HMCN2: variants seen among roughly 807,000 people sequenced by gnomAD.
HMCN2 encodes the protein hemicentin 2, also known as hemicentin-2.
HMCN2 carries 325 observed loss-of-function variants against 377.5 expected under a neutral mutation model. The observed-to-expected ratio is 0.86, with a 90% confidence interval of 0.79 to 0.94. The LOEUF is 0.94. Among genes scored for constraint, HMCN2 ranks in the 40% least tolerant of loss-of-function variants. The pLI, the probability that HMCN2 is intolerant of heterozygous loss-of-function variation, is 0.00. For synonymous variants in HMCN2, 2,007 were observed against 2,046.8 expected, an observed-to-expected ratio of 0.98 and a Z score of 0.53; for missense variants, 4,543 against 4,725.3, an observed-to-expected ratio of 0.96 and a Z score of 1.13.
intron 80 of HMCN2, 146 bp from the exon 81 acceptor site, chr9:130,404,723 C>A (rs540653579): frequency 6.9e-6 from 3 of 434,720 alleles, no homozygotes; most frequent in Non-Finnish European, 1.1e-5. Flanking sequence ...ATCCTGAGCA[C>A]GGGCAATGGC....
intron 21 of HMCN2, among the ~76,000 whole-genome samples, chr9:130,326,583 TAA>T (rs1332621086): frequency 5.5e-5 from 8 of 145,168 alleles, no homozygotes; most frequent in Non-Finnish European, 7.6e-5. Flanking sequence ...TTTTATATTG[TAA>T]AAAAAAAAAA....
At position 130,429,637 on chromosome 9, in the gene HMCN2, A is replaced by T. The variant is rs955274539; in HGVS notation, c.14278A>T (p.Ser4760Cys). 6.5e-7 allele frequency: 1 copy of T among 1,548,888 alleles called. No homozygotes were observed. Among genetic ancestry groups the T allele is most frequent in the South Asian group, 1.2e-5 (1 of 83,806 alleles). ...CENTPGGHRC[S>C]CPRGYRMQGP... is the part of the protein sequence containing the mutation. ...GAACACCCCAGGCGGTCACCGCTGC[A>T]GCTGCCCCAGGGGTTACCGGATGCA... The change falls in exon 94 of 98, where the codon AGC becomes TGC. Residue 4760 changes from serine (S) to cysteine (C), a missense_variant. Around this residue, in one of 5 missense-constraint regions of HMCN2, gnomAD observed 1,155 missense variants for 1,157.7 expected, o/e 1.00. Coordinates refer to ENST00000683500, the MANE Select transcript of HMCN2 (RefSeq NM_001291815.2).
In HMCN2 at chr9:130,309,980, G is replaced by C. The variant is rs561746942; in HGVS notation, c.2269G>C (p.Glu757Gln). The C allele has an allele frequency of 3.8e-6, 2 of 533,090 alleles. No homozygotes were observed. Among genetic ancestry groups the C allele is most frequent in the African/African-American group, 3.8e-5 (2 of 52,076 alleles). The allele number at this position is 533,090 out of a possible 1,614,324, so 33.0% of individuals were successfully genotyped here. The change falls in exon 15 of 98, where the codon GAG becomes CAG. Residue 757 changes from glutamate to glutamine, a missense_variant. Physicochemically the swap from Glu to Gln is conservative, Grantham distance 29. Transcript: ENST00000683500. ...SGKLRIPAAQ[E>Q]RDAGTYTCRA... ...GAAGCTGCGGATCCCGGCGGCTCAGGAGAGGGATGCTGGCACCTACACCTG... is the reference window on the plus strand; with the variant it reads ...GAAGCTGCGGATCCCGGCGGCTCAGCAGAGGGATGCTGGCACCTACACCTG...
chr9:130,315,600 G>C (rs1428060350), intron 15 of HMCN2, among the ~76,000 whole-genome samples: 2 of 151,114 alleles, frequency 1.3e-5, no homozygotes, highest in Non-Finnish European at 2.9e-5. Context: ...CCTGGACTCT[G>C]CCCTGCCATC....
intron 95 of HMCN2, 161 bp downstream of exon 95, chr9:130,430,765 C>T (rs570871891): frequency 1.8e-5 from 12 of 663,232 alleles, no homozygotes; most frequent in Non-Finnish European, 2.8e-5. Context: ...TGCAGGGTGT[C>T]TCAGAGCCTT....
intron 49 of HMCN2, among the ~76,000 whole-genome samples, chr9:130,374,907 C>G (rs1841290964): frequency 6.6e-6 from 1 of 152,194 alleles, no homozygotes; most frequent in Non-Finnish European, 1.5e-5. Context: ...CACAATGACA[C>G]TAGGAGGTGG....
Position 130,384,766 on chromosome 9 carries a change from G to A in HMCN2, c.9074G>A (p.Arg3025Gln), listed in dbSNP as rs1350302276. 3 of 1,303,416 alleles carry A rather than the reference G, an allele frequency of 2.3e-6. No homozygotes were observed. Among genetic ancestry groups the A allele is most frequent in the African/African-American group, 1.5e-5 (1 of 65,976 alleles). 80.7% of individuals were successfully genotyped at this position (1,303,416 alleles called of 1,614,324 possible). ...YTCEALNAAG[R>Q]DQKLVQLSVL... ...TGCGAAGCCCTCAATGCTGCCGGCC[G>A]AGACCAGAAGCTGGTGCAGCTCAGT... is the stretch of plus-strand genomic sequence containing the variant. Residue 3025 changes from arginine to glutamine, a missense_variant, in exon 59 of 98, where the codon CGA becomes CAA. Coordinates refer to ENST00000683500, the MANE Select transcript of HMCN2 (RefSeq NM_001291815.2).
Position 130,369,003 on chromosome 9 carries a change from G to A in HMCN2, c.6787+566G>A, listed in dbSNP as rs572190234. Among the ~76,000 whole-genome samples, 2 of 152,264 alleles carry A rather than the reference G, an allele frequency of 1.3e-5. No individual in the cohort carries two copies. The highest frequency in any genetic ancestry group is 4.8e-5 in the African/African-American group (2 of 41,538). On this transcript the variant is annotated intron_variant, in intron 44 of 97. Coordinates refer to ENST00000683500, the MANE Select transcript of HMCN2 (RefSeq NM_001291815.2). The surrounding 1 kb of genome is among the most constrained non-coding windows in gnomAD (Gnocchi z 4.5). ...CTTCTCACTAACCCAAGCATTGGGG[G>A]TGGGGGCAGCAGCACAGTCCCTAAG...
Position 130,433,487 on chromosome 9 carries a change from C to T in HMCN2, c.15034C>T (p.Pro5012Ser), listed in dbSNP as rs565814297. ...RLTAFSEVGV[P>S]ANRTELSMLE... ...CACCGCCTTCTCCGAGGTCGGCGTC[C>T]CCGCCAACCGCACCGAGCTCAGCAT... Residue 5012 changes from proline (P) to serine (S), a missense_variant, in exon 98 of 98, where the codon CCC (proline) becomes TCC (serine). This residue lies in a region of HMCN2 where 1,155 missense variants were observed against 1,157.7 expected (regional missense o/e 1.00). Transcript: ENST00000683500. 4.5e-5 allele frequency: 67 copies of T among 1,499,804 alleles called. No individual in the cohort carries two copies. The Admixed American group carries it at 1.4e-3, about 32-fold the overall frequency. The allele number at this position is 1,499,804 out of a possible 1,614,324, so 92.9% of individuals were successfully genotyped here.
At chr9:130,339,447 G>C (rs1463519935) in intron 23 of HMCN2, among the ~76,000 whole-genome samples, 3 of 152,168 alleles carry the variant, frequency 2.0e-5, no homozygotes, top group Non-Finnish European at 4.4e-5. Context: ...GGGGCTCCAG[G>C]GTTCCCATGG....
chr9:130,313,499 C>T (rs1487988647), intron 15 of HMCN2, among the ~76,000 whole-genome samples: 5 of 152,154 alleles, frequency 3.3e-5, no homozygotes, highest in African/African-American at 1.2e-4. Context: ...GTCTGTGAAA[C>T]GAGGAGGGTG....
intron 4 of HMCN2, among the ~76,000 whole-genome samples, chr9:130,290,990 A>G (rs1554929895): frequency 3.3e-4 from 50 of 152,208 alleles, no homozygotes; most frequent in Non-Finnish European, 2.9e-5. Context: ...AGAATGACCA[A>G]TAAGTAGCAT....
rs560847078 is a variant in HMCN2 at position 130,374,475 on chromosome 9, T to G, written c.7439-27T>G. 59 of 984,492 alleles carry G rather than the reference T, an allele frequency of 6.0e-5. 2 individuals carry two copies. The South Asian group carries it at 2.4e-3, about 40-fold the overall frequency. 61.0% of individuals were successfully genotyped at this position (984,492 alleles called of 1,614,324 possible). A position where few individuals can be genotyped will look rare whatever the true frequency, so the allele number is the denominator to read the frequency against. ...GCTGCCCTAGTCAAAGCCTGCCAAA[T>G]TGTCTCATTCTCTGCTCTGCATACA... On this transcript the variant is annotated intron_variant, in intron 48 of 97. Coordinates refer to ENST00000683500, the MANE Select transcript of HMCN2 (RefSeq NM_001291815.2).
chr9:130,339,792 C>T (rs1384655945), intron 23 of HMCN2, among the ~76,000 whole-genome samples: 1 of 152,226 alleles, frequency 6.6e-6, no homozygotes. Flanking sequence ...TTGGTCTCCA[C>T]CCAAGGGCCA....
intron 36 of HMCN2, among the ~76,000 whole-genome samples, 173 bp from the exon 37 acceptor site, chr9:130,359,146 C>G (rs546779343): frequency 6.6e-6 from 1 of 152,176 alleles, no homozygotes; most frequent in South Asian, 2.1e-4. Context: ...GCTCTTTGTT[C>G]TTGGGCTTGC....
In HMCN2 at chr9:130,308,393, G is replaced by A. The variant is rs1837015981; in HGVS notation, c.2200+827G>A. ...TTGTCCTGAGGCCCTGAGGTCATGG[G>A]CAGAGCGTTTTCACGGTGCCTGCTG... On this transcript the variant is annotated intron_variant, in intron 14 of 97. Transcript: ENST00000683500. The surrounding 1 kb of genome is among the most constrained non-coding windows in gnomAD (Gnocchi z 4.1). Among the ~76,000 whole-genome samples the A allele has an allele frequency of 1.3e-5, 2 of 152,170 alleles. No individual in the cohort carries two copies. Among genetic ancestry groups the A allele is most frequent in the South Asian group, 4.1e-4 (2 of 4,834 alleles).
chr9:130,344,235 TGA>T (rs1228869033), intron 25 of HMCN2, among the ~76,000 whole-genome samples: 8 of 152,008 alleles, frequency 5.3e-5, no homozygotes, highest in African/African-American at 1.9e-4. Context: ...CTGAGGAAGA[TGA>T]GAGGGGGGTG....
chr9:130,349,016 C>T lies in HMCN2; in HGVS notation c.4188C>T (p.Asp1396=), dbSNP rs563868545. The T allele has an allele frequency of 6.5e-4, 845 of 1,304,156 alleles. 7 individuals are homozygous for T. In the South Asian group the frequency reaches 9.8e-3, roughly 15 times the overall value. The allele number at this position is 1,304,156 out of a possible 1,614,324, so 80.8% of individuals were successfully genotyped here. ...IPKVGGHRLL[D]EGQSLHFPRI... The stretch of plus-strand genomic sequence containing the variant: ...AGGTGGGCGGCCACCGCCTCCTGGA[C>T]GAGGGCCAGTCCCTCCACTTCCCCA... The change falls in exon 28 of 98, where the codon GAC becomes GAT. Residue 1396 remains aspartate, a synonymous_variant. Transcript: ENST00000683500.
At chr9:130,292,170 G>A (rs1424548817) in intron 4 of HMCN2, among the ~76,000 whole-genome samples, 1 of 152,172 alleles carries the variant, frequency 6.6e-6, no homozygotes, top group Non-Finnish European at 1.5e-5. Flanking sequence ...AATAGTGTCT[G>A]AGCATCCTAC....
Sources: allele counts gnomAD v4.1 joint callset (sites outside exome capture counted in the v4.1 genomes callset), GRCh38; gene constraint gnomAD v4.1.1; regional missense constraint gnomAD v4.1.1; non-coding constraint Gnocchi (gnomAD v3.1); transcripts MANE v1.5; gene names NCBI Gene and HGNC (gene_info 2026-07-23, HGNC 2026-07-21).